Variants in DACH2 observed in about 807,000 individuals in gnomAD.
DACH2 encodes the protein dachshund homolog 2.
In DACH2, 17 loss-of-function variants were observed where a neutral mutation model predicts 35.8. The observed-to-expected ratio is 0.48, with a 90% CI of 0.33 to 0.71. DACH2 has a LOEUF of 0.71. DACH2 is among the 30% of genes least tolerant of loss of function. DACH2 has a pLI of 0.02. For missense variants in DACH2, 469 were observed against 472.7 expected, an observed-to-expected ratio of 0.99 and a Z score of 0.07; for synonymous variants, 195 against 177.3, an observed-to-expected ratio of 1.10 and a Z score of -0.79.
At chrX:86,514,060 T>C (rs193103204) in intron 2 of DACH2, among the ~76,000 whole-genome samples, 5 of 111,747 alleles carry the variant, frequency 4.5e-5, no homozygotes, top group African/African-American at 1.6e-4. Context: ...TAAACTAAAA[T>C]TGATCCCTTA....
At chrX:86,332,972 T>G (rs2148051039) in intron 1 of DACH2, among the ~76,000 whole-genome samples, 1 of 112,179 alleles carries the variant, frequency 8.9e-6, no homozygotes, top group South Asian at 3.6e-4. Context: ...TTATGCTTAT[T>G]AGTTTTTCAC....
chrX:86,614,203 A>G (rs1468987726), intron 3 of DACH2, among the ~76,000 whole-genome samples: 1 of 111,606 alleles, frequency 9.0e-6, no homozygotes, highest in East Asian at 2.8e-4. Context: ...GTGAGTATTC[A>G]TTACTTTTGA....
intron 1 of DACH2, among the ~76,000 whole-genome samples, chrX:86,290,675 A>T (rs1399692105): frequency 9.5e-6 from 1 of 105,349 alleles, no homozygotes. Flanking sequence ...TTTATTAAAT[A>T]GGGAATCCTT....
At chrX:86,255,436 G>C (rs2033498572) in intron 1 of DACH2, among the ~76,000 whole-genome samples, 2 of 111,783 alleles carry the variant, frequency 1.8e-5, no homozygotes, top group Admixed American at 1.9e-4. Context: ...GATATATTGA[G>C]CTGGGATGAG....
chrX:86,312,521 T>G (rs1569343722), intron 1 of DACH2, among the ~76,000 whole-genome samples: 2 of 111,675 alleles, frequency 1.8e-5, no homozygotes, highest in Admixed American at 9.6e-5. Context: ...ATTCTGGGTG[T>G]GTCTGTGTGG....
At chrX:86,778,797 G>T (rs776096739) in intron 7 of DACH2, among the ~76,000 whole-genome samples, 2 of 110,823 alleles carry the variant, frequency 1.8e-5, no homozygotes, top group African/African-American at 3.3e-5. Context: ...TTTTAGTAGA[G>T]ACGGGGTTTC....
At chrX:86,765,643 A>G (rs1032357327) in intron 7 of DACH2, among the ~76,000 whole-genome samples, 1 of 96,053 alleles carries the variant, frequency 1.0e-5, no homozygotes, top group South Asian at 5.0e-4. Context: ...GCCTTAGAGT[A>G]TAGTTTAAAG....
chrX:86,551,983 T>C (rs1293725345), intron 3 of DACH2, among the ~76,000 whole-genome samples: 4 of 111,831 alleles, frequency 3.6e-5, no homozygotes, highest in African/African-American at 1.3e-4. Flanking sequence ...TTTATGTCTG[T>C]TTTGATGCCC....
At chrX:86,386,842 T>A (rs764990482) in intron 2 of DACH2, among the ~76,000 whole-genome samples, 1 of 111,073 alleles carries the variant, frequency 9.0e-6, no homozygotes, top group African/African-American at 3.3e-5. Context: ...GTTAGGAGAA[T>A]TTTTGATCTG....
chrX:86,525,528 G>C (rs931394556), intron 3 of DACH2, among the ~76,000 whole-genome samples: 27 of 111,719 alleles, frequency 2.4e-4, no homozygotes, highest in African/African-American at 8.8e-4. Context: ...TTTTTGTATA[G>C]AGAAAGGTAA....
At chrX:86,250,924 G>A (rs758803559) in intron 1 of DACH2, among the ~76,000 whole-genome samples, 2 of 111,262 alleles carry the variant, frequency 1.8e-5, no homozygotes, top group Non-Finnish European at 3.8e-5. Flanking sequence ...TCTCACTGCT[G>A]TTGTCTTAAT....
chrX:86,797,716 G>C (rs1009051304), intron 7 of DACH2, among the ~76,000 whole-genome samples: 1 of 111,554 alleles, frequency 9.0e-6, no homozygotes, highest in African/African-American at 3.3e-5. Context: ...TTAACCTGTA[G>C]ATATAAAACA....
chrX:86,814,947 G>T, intron 10 of DACH2, 113 bp downstream of exon 10: 1 of 774,837 alleles, frequency 1.3e-6, no homozygotes, highest in Non-Finnish European at 1.8e-6. Context: ...AGGGAGAGAG[G>T]GAAACACAGA....
chrX:86,334,796 C>T (rs1390060552), intron 1 of DACH2, among the ~76,000 whole-genome samples: 1 of 112,091 alleles, frequency 8.9e-6, no homozygotes, highest in Non-Finnish European at 1.9e-5. Context: ...GCTTTTGTTG[C>T]CAATGCTTTT....
intron 3 of DACH2, among the ~76,000 whole-genome samples, chrX:86,542,269 T>A (rs1379335483): frequency 9.0e-6 from 1 of 111,477 alleles, no homozygotes; most frequent in East Asian, 2.8e-4. Flanking sequence ...ATCCCCAGTG[T>A]GTTGGTGTCG....
At chrX:86,659,906 C>T (rs2040586951) in intron 4 of DACH2, among the ~76,000 whole-genome samples, 1 of 110,296 alleles carries the variant, frequency 9.1e-6, no homozygotes, top group Non-Finnish European at 1.9e-5. Flanking sequence ...GAATCTGTTG[C>T]TCTCATAGTC....
At chrX:86,629,574 C>T (rs1490354937) in intron 3 of DACH2, among the ~76,000 whole-genome samples, 1 of 110,928 alleles carries the variant, frequency 9.0e-6, no homozygotes, top group Non-Finnish European at 1.9e-5. Flanking sequence ...AAAGAGGAAA[C>T]ATTTAAAATT....
At chrX:86,254,781 A>AATATAT (rs1200745075) in intron 1 of DACH2, among the ~76,000 whole-genome samples, 848 of 22,497 alleles carry the variant, frequency 0.038, 26 homozygotes, top group Non-Finnish European at 0.05. Context: ...CAAATAAATA[A>AATATAT]ATATATATAT....
At chrX:86,195,171 G>C (rs1030906838) in intron 1 of DACH2, among the ~76,000 whole-genome samples, 44 of 112,499 alleles carry the variant, frequency 3.9e-4, no homozygotes, top group Non-Finnish European at 9.4e-5. Context: ...AGCCAGAATA[G>C]TGTGTGCATG....
Sources: allele counts gnomAD v4.1 joint callset (sites outside exome capture counted in the v4.1 genomes callset), GRCh38; gene constraint gnomAD v4.1.1; transcripts MANE v1.5; gene names NCBI Gene and HGNC (gene_info 2026-07-23, HGNC 2026-07-21).